SLC19A1: variants seen among roughly 807,000 people sequenced by gnomAD.
The protein encoded by SLC19A1 is solute carrier family 19 member 1, also known as reduced folate transporter.
In SLC19A1, 37 loss-of-function variants were observed where a neutral mutation model predicts 35.3. That is an observed-to-expected ratio of 1.05 (90% CI 0.81 to 1.38). SLC19A1 has a LOEUF of 1.38. SLC19A1 is among the 40% of genes most tolerant of loss of function. SLC19A1 has a pLI of 0.00. For missense variants in SLC19A1, 831 were observed against 826.9 expected, an observed-to-expected ratio of 1.00 and a Z score of -0.06; for synonymous variants, 460 against 398.5, an observed-to-expected ratio of 1.15 and a Z score of -1.84.
chr21:45,507,321 G>A (rs1359336602), intron 3 of SLC19A1: 2 of 596,374 alleles, frequency 3.4e-6, no homozygotes, highest in Non-Finnish European at 6.1e-6. Context: ...CCCTCCTGTG[G>A]GCTGGCAGGG....
At chr21:45,539,990 A>G (rs1168065004) in intron 1 of SLC19A1, among the ~76,000 whole-genome samples, 1 of 152,174 alleles carries the variant, frequency 6.6e-6, no homozygotes, top group Non-Finnish European at 1.5e-5. Context: ...CCGGCCAGGC[A>G]GGAGGAAGCG....
upstream of SLC19A1, among the ~76,000 whole-genome samples, chr21:45,546,829 C>T (rs1238719600): frequency 6.6e-6 from 1 of 152,110 alleles, no homozygotes; most frequent in African/African-American, 2.4e-5. Flanking sequence ...ATCCTGCGGT[C>T]GGAGGAGGTT....
rs142386676 is a variant in SLC19A1 at position 45,516,692 on chromosome 21, C to T, written c.1294-552G>A. On this transcript the variant is annotated intron_variant, in intron 5 of 5. Coordinates refer to ENST00000311124, the MANE Select transcript of SLC19A1 (RefSeq NM_194255.4). ...CGTTGGCCACATCTCTCCTGATTCTCGCAGCTGCCAGGGGCAGGAGGGACT... is the reference window on the plus strand; with the variant it reads ...CGTTGGCCACATCTCTCCTGATTCTTGCAGCTGCCAGGGGCAGGAGGGACT... 4.6e-3 allele frequency among the ~76,000 whole-genome samples: 694 copies of T among 152,286 alleles called. 4 individuals carry two copies. Among genetic ancestry groups the T allele is most frequent in the Non-Finnish European group, 7.1e-3 (481 of 68,018 alleles).
rs1170154710 is a variant in SLC19A1, at chr21:45,523,200, G to A, written c.1293+2617C>T. Among the ~76,000 whole-genome samples the A allele has an allele frequency of 1.3e-5, 2 of 152,072 alleles. 1 individual carries two copies. ...CTCCCCATGCTGGAGGAAAGAGAGT[G>A]GACACTCGGCACCCAGTAACAGGCA... On this transcript the variant is annotated intron_variant, in intron 5 of 5. Transcript: ENST00000311124.
At chr21:45,516,210 G>A (rs534757017) in intron 5 of SLC19A1, 70 bp from the exon 6 acceptor site, 10 of 1,252,058 alleles carry the variant, frequency 8.0e-6, no homozygotes, top group Middle Eastern at 1.9e-4. Flanking sequence ...ACACCCCGAC[G>A]CCTGCTCCCA....
At position 45,531,759 on chromosome 21, in the gene SLC19A1, G is replaced by A. The variant is rs2077922355; in HGVS notation, c.579C>T (p.Leu193=). The part of the protein sequence containing the change: ...STLNYISLAF[L]TFSVVLALFL... ...AGAGGGCGAGGACCACGCTGAAGGT[G>A]AGGAAGGCCAGCGAGATGTAGTTGA... The change falls in exon 3 of 6, where the codon CTC becomes CTT. Residue 193 remains leucine (L), a synonymous_variant. Transcript: ENST00000311124. 5 of 1,611,236 alleles carry A rather than the reference G, an allele frequency of 3.1e-6. No homozygotes were observed. Among genetic ancestry groups the A allele is most frequent in the South Asian group, 2.2e-5 (2 of 90,800 alleles).
chr21:45,552,206 C>T (rs1249825773), intron 1 of SLC19A1, among the ~76,000 whole-genome samples: 1 of 152,172 alleles, frequency 6.6e-6, no homozygotes, highest in African/African-American at 2.4e-5. Context: ...GAGAGATCTG[C>T]GATGGGCCAA....
At chr21:45,505,845 T>A in intron 3 of SLC19A1, 1 of 1,597,712 alleles carries the variant, frequency 6.3e-7, no homozygotes, top group Non-Finnish European at 8.5e-7. Context: ...CAGGTGAGGC[T>A]CTGGGCTACA....
At chr21:45,511,162 C>G, downstream of SLC19A1, 1 of 1,600,796 alleles carries the variant, frequency 6.2e-7, no homozygotes, top group Non-Finnish European at 8.5e-7. Context: ...CTCTGAGGGT[C>G]CGCTGAAGCC....
In SLC19A1 at chr21:45,515,867, G is replaced by A. The variant is rs897640888; in HGVS notation, c.1567C>T (p.Pro523Ser). The change falls in exon 6 of 6, where the codon CCA (proline) becomes TCA (serine). Residue 523 changes from proline (P) to serine (S), a missense_variant. Transcript: ENST00000311124. ...GGGGCCGGGGCCTGGGCCAGGTATG[G>A]GTCGCTCTGTCTCTGCTCCAGGGAG... ...PASLEQRQSDPYLAQAPAPQA... is the reference protein window; with the variant it reads ...PASLEQRQSDSYLAQAPAPQA... The A allele has an allele frequency of 1.9e-6, 3 of 1,584,574 alleles. No homozygotes were observed. Among genetic ancestry groups the A allele is most frequent in the African/African-American group, 2.7e-5 (2 of 74,290 alleles).
At position 45,523,819 on chromosome 21, in the gene SLC19A1, G is replaced by A. The variant is rs756750879; in HGVS notation, c.1293+1998C>T. On this transcript the variant is annotated intron_variant, in intron 5 of 5. Transcript: ENST00000311124. ...CTGCCCATACATGCTGGCAGCCACT[G>A]CTGTCTGGGGACAGAGGTAACTCGG... Among the ~76,000 whole-genome samples the A allele has an allele frequency of 1.0e-3, 157 of 152,320 alleles. 1 individual carries two copies. Among genetic ancestry groups the A allele is most frequent in the Non-Finnish European group, 1.6e-3 (111 of 68,008 alleles).
intron 3 of SLC19A1, chr21:45,506,997 C>A: frequency 7.0e-6 from 2 of 287,398 alleles, no homozygotes; most frequent in South Asian, 3.2e-5. Flanking sequence ...CAGCCCCATC[C>A]TAACTTTCAG....
Position 45,515,247 on chromosome 21 carries a change from C to T in SLC19A1, c.*411G>A, listed in dbSNP as rs12106284. 9.1e-3 allele frequency: 13,694 copies of T among 1,501,542 alleles called. 741 individuals carry two copies. In the African/African-American group the frequency reaches 0.14, roughly 15 times the overall value. The allele number at this position is 1,501,542 out of a possible 1,614,324, so 93.0% of individuals were successfully genotyped here. A position where few individuals can be genotyped will look rare whatever the true frequency, so the allele number is the denominator to read the frequency against. ...ACAGCTCAGCTACACCTGAGGGTCC[C>T]GGCTCCCACCCTGCCCTAGAGGGCT... is the stretch of plus-strand genomic sequence containing the variant. On this transcript the variant is annotated 3_prime_UTR_variant, in exon 6 of 6. Transcript: ENST00000311124.
rs752648010 is a variant in SLC19A1 at position 45,531,662 on chromosome 21, C to G, written c.676G>C (p.Glu226Gln). ...GGGCCAGGATTCATGCGCTCCAGCT[C>G]CGAAGCCGAGGTTTCGCACCGCCCC... ...DRGRCETSAS[E>Q]LERMNPGPGG... The change falls in exon 3 of 6, where the codon GAG becomes CAG. Residue 226 changes from glutamate (E) to glutamine (Q), a missense_variant. Coordinates refer to ENST00000311124, the MANE Select transcript of SLC19A1 (RefSeq NM_194255.4). 1.2e-6 allele frequency: 2 copies of G among 1,612,384 alleles called. No homozygotes were observed. Among genetic ancestry groups the G allele is most frequent in the Admixed American group, 3.3e-5 (2 of 59,998 alleles).
rs766611013 is a variant in SLC19A1, at chr21:45,552,764, C to T, written c.-50+9978G>A. ...CCTAATGCGGAGCCTGCAGGTCATT[C>T]CTGGCCCATGAGTCTGACCTGACAC... On this transcript the variant is annotated intron_variant, in intron 1 of 5. Transcript: ENST00000650808. 1.1e-3 allele frequency among the ~76,000 whole-genome samples: 163 copies of T among 152,256 alleles called. 1 individual carries two copies. Among genetic ancestry groups the T allele is most frequent in the Non-Finnish European group, 2.0e-3 (139 of 68,008 alleles).
Position 45,516,111 on chromosome 21 carries a change from G to T in SLC19A1, c.1323C>A (p.Ile441=). 6.2e-7 allele frequency: 1 copy of T among 1,607,926 alleles called. No homozygotes were observed. Among genetic ancestry groups the T allele is most frequent in the Non-Finnish European group, 8.5e-7 (1 of 1,178,108 alleles). ...QFQLYSVYFL[I]LSIIYFLGAM... is the part of the protein sequence containing the mutation. ...CCCCCAAGAAGTAGATGATGGACAG[G>T]ATCAGGAAGTACACGGAGTATAACT... Residue 441 remains isoleucine, a synonymous_variant, in exon 6 of 6, where the codon ATC becomes ATA. Transcript: ENST00000311124.
upstream of SLC19A1, among the ~76,000 whole-genome samples, chr21:45,546,032 G>A (rs943857525): frequency 3.3e-5 from 5 of 152,224 alleles, no homozygotes; most frequent in African/African-American, 1.2e-4. Flanking sequence ...CAGCGGCCAG[G>A]GGTAGCCCAT....
rs376765248 is a variant in SLC19A1 at position 45,514,266 on chromosome 21, C to CCCA, written c.*1391_*1392insTGG. 1.1e-4 allele frequency: 16 copies of CCCA among 152,236 alleles called. No homozygotes were observed. The highest frequency in any genetic ancestry group is 3.3e-4 in the Admixed American group (5 of 15,274). 9.4% of individuals were successfully genotyped at this position (152,236 alleles called of 1,614,324 possible). ...GAAATGGCTGGTGCAGACCCCCCCC[C>CCCA]AAGCAGGGTCCCCAGGGTGGCCATG... On this transcript the variant is annotated 3_prime_UTR_variant, in exon 6 of 6. Coordinates refer to ENST00000311124, the MANE Select transcript of SLC19A1 (RefSeq NM_194255.4).
At chr21:45,509,968 C>T, downstream of SLC19A1, 2 of 1,402,428 alleles carry the variant, frequency 1.4e-6, no homozygotes, top group East Asian at 2.5e-5. Flanking sequence ...TCGGCCGTGC[C>T]TGTCCACACA....
Sources: gnomAD v4.1 joint callset for allele counts (sites outside exome capture counted in the v4.1 genomes callset) on GRCh38, gnomAD v4.1.1 for gene constraint, MANE v1.5 for transcripts, NCBI Gene and HGNC (gene_info 2026-07-23, HGNC 2026-07-21) for gene names.